Variants in HDAC4 observed in about 807,000 individuals in gnomAD.
The protein encoded by HDAC4 is histone deacetylase 4, also known as histone deacetylase A.
HDAC4 carries 16 observed loss-of-function variants against 135.1 expected under a neutral mutation model. The observed-to-expected ratio is 0.12, with a 90% CI of 0.08 to 0.18. HDAC4 has a LOEUF of 0.18. Ranked by LOEUF, HDAC4 falls within the 10% of genes least tolerant of loss-of-function variation. HDAC4 has a pLI of 1.00. For missense variants in HDAC4, 1,143 were observed against 1,511.8 expected (o/e 0.76, Z 4.05); for synonymous variants, 685 against 653.4 (o/e 1.05, Z -0.74).
chr2:239,134,307 C>T lies in HDAC4; in HGVS notation c.1232G>A (p.Ser411Asn). 1 of 1,613,716 alleles carries T rather than the reference C, an allele frequency of 6.2e-7. No homozygotes were observed. Among genetic ancestry groups the T allele is most frequent in the Non-Finnish European group, 8.5e-7 (1 of 1,180,026 alleles). Residue 411 changes from serine to asparagine, a missense_variant, in exon 11 of 27, where the codon AGC (serine) becomes AAC (asparagine). This residue lies in a region of HDAC4 where 272 missense variants were observed against 309.7 expected (regional missense o/e 0.88). Transcript: ENST00000543185. ...TAAGACCATGTGCTGCAGAAGAGGGCTGTGCGCTGCCCCTCCGTCCCGCTC... is the reference window on the plus strand; with the variant it reads ...TAAGACCATGTGCTGCAGAAGAGGGTTGTGCGCTGCCCCTCCGTCCCGCTC... ...PLERDGGAAH[S>N]PLLQHMVLLE...
At chr2:239,088,447 G>A (rs893781615) in intron 18 of HDAC4, among the ~76,000 whole-genome samples, 4 of 152,358 alleles carry the variant, frequency 2.6e-5, no homozygotes, top group African/African-American at 7.2e-5. Flanking sequence ...GCCTCCCTGC[G>A]TTTCTGCACT....
At chr2:239,212,409 A>C (rs2046394620) in intron 3 of HDAC4, among the ~76,000 whole-genome samples, 1 of 152,196 alleles carries the variant, frequency 6.6e-6, no homozygotes, top group Non-Finnish European at 1.5e-5. Context: ...GAAAAAAGGA[A>C]AAAAGATATA....
intron 7 of HDAC4, among the ~76,000 whole-genome samples, chr2:239,152,283 T>C (rs538405371): frequency 2.0e-5 from 3 of 152,270 alleles, no homozygotes; most frequent in South Asian, 4.1e-4. Flanking sequence ...CAGCGTCCTA[T>C]GTCCATGACA....
At position 239,164,595 on chromosome 2, in the gene HDAC4, G is replaced by A. The variant is rs988344934; in HGVS notation, c.491-672C>T. The stretch of plus-strand genomic sequence containing the variant: ...GCCTGAACACAAGGCCTGTTAGCAC[G>A]GAGGCTGCTCGCCTCAGATCTCCAA... On this transcript the variant is annotated intron_variant, in intron 5 of 26. Coordinates refer to ENST00000543185, the MANE Select transcript of HDAC4 (RefSeq NM_001378414.1). 3.3e-5 allele frequency among the ~76,000 whole-genome samples: 5 copies of A among 152,228 alleles called. No individual in the cohort carries two copies. In the South Asian group the frequency reaches 6.2e-4, roughly 19 times the overall value.
At chr2:239,080,928 C>A (rs974900934) in intron 22 of HDAC4, 167 bp downstream of exon 22, 2 of 601,392 alleles carry the variant, frequency 3.3e-6, no homozygotes, top group Non-Finnish European at 5.9e-6. Context: ...CGCCAAGATT[C>A]CACGCTTGGC....
intron 2 of HDAC4, among the ~76,000 whole-genome samples, chr2:239,322,799 G>C (rs1165561524): frequency 6.6e-6 from 1 of 152,122 alleles, no homozygotes; most frequent in Non-Finnish European, 1.5e-5. Flanking sequence ...CCACACCCGG[G>C]GCCCCACTCC....
chr2:239,337,380 C>T (rs893279174), intron 2 of HDAC4, among the ~76,000 whole-genome samples: 1 of 152,176 alleles, frequency 6.6e-6, no homozygotes, highest in African/African-American at 2.4e-5. Flanking sequence ...GGGACTCCCA[C>T]GCCACACATC....
intron 6 of HDAC4, chr2:239,162,334 C>T: frequency 2.2e-6 from 1 of 456,654 alleles, no homozygotes; most frequent in Non-Finnish European, 4.4e-6. Flanking sequence ...AGGCCCCAGG[C>T]CCACCCTGCC....
chr2:239,316,276 A>G (rs2053110914), intron 2 of HDAC4, among the ~76,000 whole-genome samples: 1 of 152,234 alleles, frequency 6.6e-6, no homozygotes, highest in Admixed American at 6.5e-5. Context: ...ATCTTTTGAT[A>G]GAAATCACTC....
intron 1 of HDAC4, among the ~76,000 whole-genome samples, chr2:239,384,903 AG>A (rs1326895222): frequency 2.6e-5 from 4 of 152,224 alleles, no homozygotes; most frequent in Non-Finnish European, 4.4e-5. Context: ...GCAGGACCTG[AG>A]GAGGGGCTCA....
chr2:239,067,781 C>T (rs1418797486), intron 23 of HDAC4, among the ~76,000 whole-genome samples: 1 of 152,204 alleles, frequency 6.6e-6, no homozygotes, highest in African/African-American at 2.4e-5. Context: ...CCCTCCTTGG[C>T]CGCCTGTGCC....
intron 2 of HDAC4, among the ~76,000 whole-genome samples, chr2:239,295,135 G>A (rs893336185): frequency 4.6e-5 from 7 of 151,460 alleles, no homozygotes; most frequent in African/African-American, 1.2e-4. Flanking sequence ...GTGAAACCCC[G>A]TCTCTACTAA....
At chr2:239,216,326 A>G (rs1295069702) in intron 3 of HDAC4, among the ~76,000 whole-genome samples, 1 of 149,956 alleles carries the variant, frequency 6.7e-6, no homozygotes, top group Non-Finnish European at 1.5e-5. Flanking sequence ...AAAAAAAAAA[A>G]TAAAAGAAAA....
At chr2:239,391,538 G>T (rs1696212922) in intron 1 of HDAC4, among the ~76,000 whole-genome samples, 2 of 152,210 alleles carry the variant, frequency 1.3e-5, no homozygotes, top group Non-Finnish European at 2.9e-5. Context: ...GCCAGCGGGG[G>T]AGGAGGAAGA....
chr2:239,373,051 G>A (rs1694746184), intron 1 of HDAC4, among the ~76,000 whole-genome samples: 2 of 152,176 alleles, frequency 1.3e-5, no homozygotes, highest in Non-Finnish European at 2.9e-5. Flanking sequence ...CACTGCAAGA[G>A]ACTGCCGGGT....
chr2:239,369,767 T>C (rs1694476627), intron 1 of HDAC4, among the ~76,000 whole-genome samples: 1 of 152,050 alleles, frequency 6.6e-6, no homozygotes, highest in Non-Finnish European at 1.5e-5. Context: ...GGCCACCTTC[T>C]CTCAAGCAGA....
rs540681020 is a variant in HDAC4, at chr2:239,285,266, G to A, written c.23-48602C>T. ...GCTAAGGAGGAACACAGCCATGCTG[G>A]GGGTGGGAGGGGCAGATCCCTGCTG... is the stretch of plus-strand genomic sequence containing the variant. On this transcript the variant is annotated intron_variant, in intron 2 of 26. Coordinates refer to ENST00000543185, the MANE Select transcript of HDAC4 (RefSeq NM_001378414.1). This position sits in a 1 kb window ranked among gnomAD's most constrained non-coding sequence, Gnocchi z 4.5. 6.6e-6 allele frequency among the ~76,000 whole-genome samples: 1 copy of A among 152,374 alleles called. No individual in the cohort carries two copies. Among genetic ancestry groups the A allele is most frequent in the African/African-American group, 2.4e-5 (1 of 41,596 alleles).
chr2:239,096,894 C>T (rs907217344), intron 16 of HDAC4, among the ~76,000 whole-genome samples: 1 of 152,108 alleles, frequency 6.6e-6, no homozygotes, highest in Non-Finnish European at 1.5e-5. Context: ...TGTAGAATGG[C>T]CACGTCCACG....
chr2:239,297,346 A>G (rs2051968486), intron 2 of HDAC4, among the ~76,000 whole-genome samples: 1 of 152,240 alleles, frequency 6.6e-6, no homozygotes, highest in Non-Finnish European at 1.5e-5. Context: ...GCTGTCCCAG[A>G]GAGCAGCGAT....
Sources: allele counts gnomAD v4.1 joint callset (sites outside exome capture counted in the v4.1 genomes callset), GRCh38; gene constraint gnomAD v4.1.1; regional missense constraint gnomAD v4.1.1; non-coding constraint Gnocchi (gnomAD v3.1); transcripts MANE v1.5; gene names NCBI Gene and HGNC (gene_info 2026-07-23, HGNC 2026-07-21).